The following CSMD1 variants were observed in gnomAD, a reference collection of about 807,000 sequenced individuals.
CSMD1 encodes CUB and sushi domain-containing protein 1.
CSMD1 carries 213 observed loss-of-function variants against 417.5 expected under a neutral mutation model. The ratio of observed to expected loss-of-function variants is 0.51; its 90% CI spans 0.46 to 0.57. CSMD1 has a LOEUF of 0.57. CSMD1 is among the 20% of genes least tolerant of loss of function. CSMD1 has a pLI of 0.00. For missense variants in CSMD1, 6,923 were observed against 4,529.7 expected (o/e 1.53, Z -15.17); for synonymous variants, 2,862 against 1,736.8 (o/e 1.65, Z -16.11).
At chr8:4,780,096 C>T (rs1290632163) in intron 1 of CSMD1, among the ~76,000 whole-genome samples, 4 of 152,174 alleles carry the variant, frequency 2.6e-5, no homozygotes, top group East Asian at 3.9e-4. Flanking sequence ...ATGATACACC[C>T]GCGTTTTGTA....
chr8:3,827,265 T>C (rs1269596503), intron 5 of CSMD1, among the ~76,000 whole-genome samples: 3 of 152,184 alleles, frequency 2.0e-5, no homozygotes. Flanking sequence ...AGCACACATA[T>C]CCTTGCAATG....
chr8:4,016,349 T>C (rs1010279004), intron 4 of CSMD1, among the ~76,000 whole-genome samples: 1 of 152,132 alleles, frequency 6.6e-6, no homozygotes, highest in African/African-American at 2.4e-5. Flanking sequence ...CTCAGACATT[T>C]TGCAATCTCC....
intron 3 of CSMD1, among the ~76,000 whole-genome samples, chr8:4,379,492 G>C (rs778608084): frequency 1.3e-5 from 2 of 152,132 alleles, no homozygotes; most frequent in Non-Finnish European, 2.9e-5. Flanking sequence ...ATTGCATTCT[G>C]GTTAATGTTA....
At chr8:3,409,108 C>T (rs540331760) in intron 13 of CSMD1, among the ~76,000 whole-genome samples, 2 of 152,274 alleles carry the variant, frequency 1.3e-5, no homozygotes, top group South Asian at 2.1e-4. Context: ...TGTTGCTGTA[C>T]TGATGTCTGA....
At chr8:3,569,975 A>C (rs1255104283) in intron 10 of CSMD1, among the ~76,000 whole-genome samples, 1 of 152,372 alleles carries the variant, frequency 6.6e-6, no homozygotes, top group Admixed American at 6.5e-5. Flanking sequence ...TTAATTATTA[A>C]GTCCTCACAA....
rs115591098 is a variant in CSMD1 at position 4,829,881 on chromosome 8, T to C, written c.85+164451A>G. Reference sequence around the variant, plus strand: ...TGGTCAGAGTGGTACAAAGTTTACTTTGAATGAGTCCTTATAGGTAATGCC... The same window carrying C: ...TGGTCAGAGTGGTACAAAGTTTACTCTGAATGAGTCCTTATAGGTAATGCC... On this transcript the variant is annotated intron_variant, in intron 1 of 69. Coordinates refer to ENST00000635120, the MANE Select transcript of CSMD1 (RefSeq NM_033225.6). Among the ~76,000 whole-genome samples the C allele has an allele frequency of 3.6e-3, 542 of 152,326 alleles. 3 individuals carry two copies. The highest frequency in any genetic ancestry group is 0.014 in the Middle Eastern group (4 of 294).
intron 12 of CSMD1, among the ~76,000 whole-genome samples, chr8:3,438,830 T>G (rs1814745206): frequency 6.6e-6 from 1 of 151,976 alleles, no homozygotes; most frequent in Non-Finnish European, 1.5e-5. Context: ...TATAAGAAAT[T>G]GCTGGCCAGG....
At chr8:3,103,820 T>C (rs1160392403) in intron 46 of CSMD1, among the ~76,000 whole-genome samples, 1 of 152,052 alleles carries the variant, frequency 6.6e-6, no homozygotes, top group African/African-American at 2.4e-5. Context: ...CTTGGCTCAC[T>C]GCAACCTCTG....
chr8:3,160,463 T>G (rs1202949237), intron 38 of CSMD1, among the ~76,000 whole-genome samples: 1 of 152,204 alleles, frequency 6.6e-6, no homozygotes, highest in Non-Finnish European at 1.5e-5. Context: ...ATCAGGAACG[T>G]TGTGTCCTAA....
chr8:3,797,268 A>G (rs1240061318), intron 5 of CSMD1, among the ~76,000 whole-genome samples: 1 of 151,976 alleles, frequency 6.6e-6, no homozygotes, highest in African/African-American at 2.4e-5. Flanking sequence ...GTAGTTTTTA[A>G]AATTGAGGTA....
At chr8:4,115,391 G>T (rs529065643) in intron 3 of CSMD1, among the ~76,000 whole-genome samples, 6 of 152,238 alleles carry the variant, frequency 3.9e-5, no homozygotes, top group African/African-American at 1.4e-4. Flanking sequence ...ATTTTCATAT[G>T]CACTAAGCCA....
intron 2 of CSMD1, among the ~76,000 whole-genome samples, chr8:4,593,414 T>G (rs1800089118): frequency 6.6e-6 from 1 of 152,208 alleles, no homozygotes; most frequent in South Asian, 2.1e-4. Flanking sequence ...TTTGGCATAA[T>G]GTTTCATTCC....
chr8:4,369,228 T>A (rs925024890), intron 3 of CSMD1, among the ~76,000 whole-genome samples: 2 of 152,214 alleles, frequency 1.3e-5, no homozygotes, highest in African/African-American at 4.8e-5. Flanking sequence ...TGGTGTCAAG[T>A]TCAACTTCCA....
intron 14 of CSMD1, among the ~76,000 whole-genome samples, chr8:3,406,669 T>C (rs886194344): frequency 2.6e-5 from 4 of 152,168 alleles, no homozygotes; most frequent in African/African-American, 9.7e-5. Context: ...ATTTATATCC[T>C]CTAGTTACTA....
rs2552151 is a variant in CSMD1, at chr8:4,084,628, C to G, written c.416-52529G>C. On this transcript the variant is annotated intron_variant, in intron 3 of 69. Coordinates refer to ENST00000635120, the MANE Select transcript of CSMD1 (RefSeq NM_033225.6). ...TGAAAGCGAGCCTTCCAGAGTTTGC[C>G]AAGCCCTCTTTAGTGATGGCACAAC... Among the ~76,000 whole-genome samples the G allele has an allele frequency of 8.2e-4, 125 of 152,182 alleles. 1 individual carries two copies. The East Asian group carries it at 0.022, about 27-fold the overall frequency.
chr8:3,433,178 G>C (rs1263680765), intron 12 of CSMD1, among the ~76,000 whole-genome samples: 2 of 152,174 alleles, frequency 1.3e-5, no homozygotes, highest in African/African-American at 2.4e-5. Context: ...GAATGAAATA[G>C]AAATAAACTT....
chr8:4,888,803 C>A (rs574263775), intron 1 of CSMD1, among the ~76,000 whole-genome samples: 7 of 152,052 alleles, frequency 4.6e-5, no homozygotes, highest in African/African-American at 7.3e-5. Flanking sequence ...CAAAAGGTCA[C>A]AAAGGCCAAC....
chr8:4,436,127 G>C (rs770662300), intron 2 of CSMD1, among the ~76,000 whole-genome samples: 1 of 152,004 alleles, frequency 6.6e-6, no homozygotes, highest in Non-Finnish European at 1.5e-5. Context: ...CTTCATTTCA[G>C]CATAAAAAAT....
chr8:3,128,270 T>C (rs906478384), intron 41 of CSMD1: 1 of 152,346 alleles, frequency 6.6e-6, no homozygotes, highest in African/African-American at 2.4e-5. Context: ...CCCGCTAATA[T>C]CTAGTTAGTT....
Sources: allele counts gnomAD v4.1 joint callset (sites outside exome capture counted in the v4.1 genomes callset), GRCh38; gene constraint gnomAD v4.1.1; transcripts MANE v1.5; gene names NCBI Gene and HGNC (gene_info 2026-07-23, HGNC 2026-07-21).